Variants in GPC3 observed in about 807,000 individuals in gnomAD.
The protein encoded by GPC3 is glypican 3, also known as glypican-3.
Under a neutral mutation model 34.4 loss-of-function variants are expected in GPC3, and 3 were observed. The observed-to-expected ratio is 0.09, with a 90% CI of 0.04 to 0.23. GPC3 has a LOEUF of 0.23. Among genes scored for constraint, GPC3 ranks in the 10% least tolerant of loss-of-function variants. GPC3 has a pLI of 1.00. For synonymous variants in GPC3, 177 were observed against 174.0 expected (o/e 1.02, Z -0.13); for missense variants, 351 against 445.6 (o/e 0.79, Z 1.91).
chrX:133,668,224 A>G (rs1440530732), intron 5 of GPC3, among the ~76,000 whole-genome samples: 1 of 111,581 alleles, frequency 9.0e-6, no homozygotes, highest in African/African-American at 3.3e-5. Context: ...CTACTCTTCA[A>G]TGAGGTAACT....
At chrX:133,794,630 G>A (rs1003464441) in intron 2 of GPC3, among the ~76,000 whole-genome samples, 1 of 111,210 alleles carries the variant, frequency 9.0e-6, no homozygotes, top group Middle Eastern at 4.2e-3. Flanking sequence ...GGGAGGAAGA[G>A]AAAGACCAAA....
chrX:133,780,063 T>C (rs2072029953), intron 2 of GPC3, among the ~76,000 whole-genome samples: 1 of 111,926 alleles, frequency 8.9e-6, no homozygotes, highest in East Asian at 2.8e-4. Flanking sequence ...AAGCAGAGGC[T>C]GAAAGTAGGC....
At chrX:133,764,943 G>T (rs2071831512) in intron 2 of GPC3, among the ~76,000 whole-genome samples, 1 of 111,250 alleles carries the variant, frequency 9.0e-6, no homozygotes, top group African/African-American at 3.3e-5. Flanking sequence ...CATTCTCACG[G>T]CTAAGAAATG....
At chrX:133,967,031 A>T (rs899995374) in intron 1 of GPC3, among the ~76,000 whole-genome samples, 4 of 111,962 alleles carry the variant, frequency 3.6e-5, no homozygotes, top group African/African-American at 1.3e-4. Flanking sequence ...GCACAGGAGT[A>T]GAGTTGGCAA....
intron 2 of GPC3, among the ~76,000 whole-genome samples, chrX:133,764,330 A>G (rs886928946): frequency 5.4e-5 from 6 of 111,674 alleles, no homozygotes; most frequent in African/African-American, 1.6e-4. Flanking sequence ...GATGAGATCA[A>G]TCATACCCCA....
At chrX:133,715,109 C>T (rs1387184242) in intron 3 of GPC3, among the ~76,000 whole-genome samples, 1 of 111,997 alleles carries the variant, frequency 8.9e-6, no homozygotes, top group Non-Finnish European at 1.9e-5. Flanking sequence ...ACCATTTAAT[C>T]AGCTGTCAGT....
At chrX:133,823,806 C>T (rs758029670) in intron 2 of GPC3, among the ~76,000 whole-genome samples, 2 of 108,751 alleles carry the variant, frequency 1.8e-5, no homozygotes, top group Admixed American at 2.0e-4. Context: ...ATGGTGACAC[C>T]CCATATGTAC....
At chrX:133,772,578 A>G (rs1378427110) in intron 2 of GPC3, among the ~76,000 whole-genome samples, 2 of 111,685 alleles carry the variant, frequency 1.8e-5, no homozygotes, top group East Asian at 5.6e-4. Flanking sequence ...TGTCCTAAGA[A>G]TGCCATGGCA....
intron 2 of GPC3, among the ~76,000 whole-genome samples, chrX:133,899,288 G>C (rs1323331078): frequency 9.0e-6 from 1 of 111,492 alleles, no homozygotes; most frequent in Non-Finnish European, 1.9e-5. Context: ...TTTACATCAT[G>C]ATATCCCTGA....
At chrX:133,628,919 C>T (rs144310533) in intron 6 of GPC3, among the ~76,000 whole-genome samples, 470 of 111,123 alleles carry the variant, frequency 4.2e-3, no homozygotes, top group African/African-American at 0.014. Context: ...GATGTCCACG[C>T]GAATCAAGGC....
At position 133,692,268 on chromosome X, in the gene GPC3, C is replaced by CTGG. The variant is rs1306250881; in HGVS notation, c.1292+98_1292+100dup. Reference sequence around the variant, plus strand: ...CCTCATAGATTTCTCTAGAATTTTTCTGGTGCAATTAATGGAGATAGAAGA... The same window carrying CTGG: ...CCTCATAGATTTCTCTAGAATTTTTCTGGTGGTGCAATTAATGGAGATAGAAGA... On this transcript the variant is annotated intron_variant, in intron 5 of 7. Transcript: ENST00000370818. 5.5e-6 allele frequency: 5 copies of CTGG among 907,379 alleles called. No individual in the cohort carries two copies. In the East Asian group the frequency reaches 1.6e-4, roughly 29 times the overall value. 74.8% of individuals were successfully genotyped at this position (907,379 alleles called of 1,213,427 possible). A position where few individuals can be genotyped will look rare whatever the true frequency, so the allele number is the denominator to read the frequency against.
intron 6 of GPC3, among the ~76,000 whole-genome samples, chrX:133,598,741 C>A (rs1489845751): frequency 9.0e-6 from 1 of 111,673 alleles, no homozygotes; most frequent in Non-Finnish European, 1.9e-5. Context: ...ACATTTACAT[C>A]CATTGGTATG....
At chrX:133,899,995 G>T in intron 2 of GPC3, among the ~76,000 whole-genome samples, 1 of 111,207 alleles carries the variant, frequency 9.0e-6, no homozygotes, top group Non-Finnish European at 1.9e-5. Context: ...TAGAGACAGG[G>T]TTTCACCATG....
At chrX:133,630,095 A>G (rs950111692) in intron 6 of GPC3, among the ~76,000 whole-genome samples, 5 of 111,596 alleles carry the variant, frequency 4.5e-5, no homozygotes, top group African/African-American at 1.6e-4. Flanking sequence ...AAAGGAAAAG[A>G]AAAAGAATAA....
At chrX:133,669,843 GTCT>G (rs1259390638) in intron 5 of GPC3, among the ~76,000 whole-genome samples, 1 of 111,854 alleles carries the variant, frequency 8.9e-6, no homozygotes, top group African/African-American at 3.3e-5. Flanking sequence ...TACATGCGGC[GTCT>G]TCTTCTTTAT....
chrX:133,959,674 T>C (rs1290798494), intron 1 of GPC3, among the ~76,000 whole-genome samples: 1 of 112,617 alleles, frequency 8.9e-6, no homozygotes, highest in Non-Finnish European at 1.9e-5. Context: ...TTAAGTGAGA[T>C]TATGCATGTG....
intron 2 of GPC3, among the ~76,000 whole-genome samples, chrX:133,857,839 A>T (rs769804963): frequency 2.7e-5 from 3 of 112,546 alleles, no homozygotes; most frequent in African/African-American, 6.4e-5. Context: ...AGTACAGTCC[A>T]CTAAGCCTTT....
chrX:133,617,910 C>A lies in GPC3; in HGVS notation c.1414-21311G>T, dbSNP rs1302092978. 3.6e-5 allele frequency among the ~76,000 whole-genome samples: 4 copies of A among 111,508 alleles called. No homozygotes were observed. The Admixed American group carries it at 3.8e-4, about 11-fold the overall frequency. ...AAGTGCTAAGATTACAGGTGTGAGC[C>A]ACTGTGCCCAGCCCCTAGTTTTTAA... On this transcript the variant is annotated intron_variant, in intron 6 of 7. Transcript: ENST00000370818.
At chrX:133,729,800 T>C (rs1293551039) in intron 3 of GPC3, among the ~76,000 whole-genome samples, 2 of 112,028 alleles carry the variant, frequency 1.8e-5, no homozygotes, top group East Asian at 5.6e-4. Flanking sequence ...CATTCAAAGG[T>C]TCTTTTCTAC....
Sources: allele counts gnomAD v4.1 joint callset (sites outside exome capture counted in the v4.1 genomes callset), GRCh38; gene constraint gnomAD v4.1.1; transcripts MANE v1.5; gene names NCBI Gene and HGNC (gene_info 2026-07-23, HGNC 2026-07-21).